The following AFF3 variants were observed in gnomAD, a reference collection of about 807,000 sequenced individuals.
AFF3 encodes the protein ALF transcription elongation factor 3, also known as AF4/FMR2 family member 3.
AFF3 carries 32 observed loss-of-function variants against 129.7 expected under a neutral mutation model. The observed-to-expected ratio is 0.25, with a 90% CI of 0.19 to 0.33. AFF3 has a LOEUF of 0.33. Among genes scored for constraint, AFF3 ranks in the 10% least tolerant of loss-of-function variants. The pLI is 1.00. For synonymous variants in AFF3, 644 were observed against 635.4 expected (o/e 1.01, Z -0.20); for missense variants, 1,373 against 1,592.0 (o/e 0.86, Z 2.34).
chr2:99,576,931 C>T (rs1026159447), intron 18 of AFF3, among the ~76,000 whole-genome samples: 1 of 152,152 alleles, frequency 6.6e-6, no homozygotes, highest in Non-Finnish European at 1.5e-5. Context: ...TAATCACCAC[C>T]TACCTCCCTG....
At chr2:99,822,631 C>G (rs1047213827) in intron 8 of AFF3, among the ~76,000 whole-genome samples, 2 of 152,148 alleles carry the variant, frequency 1.3e-5, no homozygotes, top group African/African-American at 4.8e-5. Context: ...AGTGATTAAT[C>G]ATTTCCACTA....
intron 8 of AFF3, among the ~76,000 whole-genome samples, chr2:99,827,211 C>T (rs1558889302): frequency 6.6e-6 from 1 of 152,154 alleles, no homozygotes; most frequent in Non-Finnish European, 1.5e-5. Context: ...CCCATCCCCA[C>T]ACAGATGTTA....
chr2:99,559,011 G>A (rs1239631693), intron 21 of AFF3, 43 bp from the exon 22 acceptor site: 2 of 1,567,150 alleles, frequency 1.3e-6, no homozygotes, highest in Admixed American at 3.3e-5. Flanking sequence ...GGCTGAGTGC[G>A]TCGTGCGCAA....
intron 7 of AFF3, among the ~76,000 whole-genome samples, chr2:99,948,957 C>T (rs1675896633): frequency 6.6e-6 from 1 of 152,130 alleles, no homozygotes; most frequent in South Asian, 2.1e-4. Context: ...AAGGTAAATA[C>T]ATAACAGAGG....
intron 2 of AFF3, among the ~76,000 whole-genome samples, chr2:100,118,244 G>C (rs1381087902): frequency 1.3e-5 from 2 of 152,120 alleles, no homozygotes; most frequent in African/African-American, 4.8e-5. Context: ...TCCAAATAAA[G>C]TTTTATTTGG....
intron 7 of AFF3, among the ~76,000 whole-genome samples, chr2:99,872,195 G>GA (rs1420534508): frequency 1.7e-5 from 2 of 116,890 alleles, no homozygotes; most frequent in East Asian, 5.2e-4. Flanking sequence ...GCAACACAGC[G>GA]AGACTCCATC....
chr2:99,972,823 C>T (rs749471840), intron 7 of AFF3, among the ~76,000 whole-genome samples: 5 of 152,190 alleles, frequency 3.3e-5, no homozygotes, highest in Non-Finnish European at 5.9e-5. Context: ...ATGCCCCCAA[C>T]TCCTCGCTCA....
At chr2:99,640,416 C>T (rs1235481057) in intron 13 of AFF3, among the ~76,000 whole-genome samples, 1 of 152,054 alleles carries the variant, frequency 6.6e-6, no homozygotes, top group Admixed American at 6.5e-5. Context: ...CTATTCATCA[C>T]CTCTTTTAAT....
At chr2:100,116,433 C>A (rs1691740186) in intron 2 of AFF3, among the ~76,000 whole-genome samples, 1 of 152,064 alleles carries the variant, frequency 6.6e-6, no homozygotes, top group African/African-American at 2.4e-5. Context: ...TATTTTTGTG[C>A]TGTCCTCATT....
intron 11 of AFF3, among the ~76,000 whole-genome samples, chr2:99,687,987 T>C (rs1432136494): frequency 6.6e-6 from 1 of 152,076 alleles, no homozygotes; most frequent in Admixed American, 6.5e-5. Flanking sequence ...GAACTACAGG[T>C]GCCCGCCACC....
At chr2:99,648,207 T>C (rs1641431168) in intron 13 of AFF3, among the ~76,000 whole-genome samples, 1 of 152,178 alleles carries the variant, frequency 6.6e-6, no homozygotes. Context: ...AGTGGTCTGG[T>C]ATACTTACAA....
rs143592816 is a variant in AFF3, at chr2:99,807,286, T to C, written c.921+30191A>G. Among the ~76,000 whole-genome samples the C allele has an allele frequency of 9.3e-3, 1,422 of 152,238 alleles. 21 individuals carry two copies. Among genetic ancestry groups the C allele is most frequent in the African/African-American group, 0.032 (1,349 of 41,550 alleles). On this transcript the variant is annotated intron_variant, in intron 8 of 24. Coordinates refer to ENST00000672756, the MANE Select transcript of AFF3 (RefSeq NM_001386135.1). Reference sequence around the variant, plus strand: ...AGAGAAAACGGAGTGGTGGGTGGGTTGCTGCATGGTCTGTTGGCTCCCGAA... The same window carrying C: ...AGAGAAAACGGAGTGGTGGGTGGGTCGCTGCATGGTCTGTTGGCTCCCGAA...
chr2:99,919,400 G>A (rs1400907999), intron 7 of AFF3, among the ~76,000 whole-genome samples: 1 of 152,044 alleles, frequency 6.6e-6, no homozygotes, highest in Non-Finnish European at 1.5e-5. Flanking sequence ...GTTCTAGAAT[G>A]GGTTGTCGAA....
chr2:99,820,683 C>T (rs1342158155), intron 8 of AFF3, among the ~76,000 whole-genome samples: 1 of 147,552 alleles, frequency 6.8e-6, no homozygotes, highest in Non-Finnish European at 1.5e-5. Flanking sequence ...AAAACACAAA[C>T]ACATTGTACA....
At chr2:99,807,250 T>C (rs551328152) in intron 8 of AFF3, among the ~76,000 whole-genome samples, 3 of 152,246 alleles carry the variant, frequency 2.0e-5, no homozygotes, top group East Asian at 1.9e-4. Context: ...GGATGGTGCA[T>C]AGGACAAGGC....
At chr2:99,693,610 TGGCC>T (rs1246917321) in intron 11 of AFF3, among the ~76,000 whole-genome samples, 1 of 152,210 alleles carries the variant, frequency 6.6e-6, no homozygotes, top group Non-Finnish European at 1.5e-5. Context: ...CTTAGATTTA[TGGCC>T]GGTTCCTTAA....
At chr2:99,969,300 T>C (rs958598975) in intron 7 of AFF3, among the ~76,000 whole-genome samples, 1 of 152,192 alleles carries the variant, frequency 6.6e-6, no homozygotes, top group Non-Finnish European at 1.5e-5. Flanking sequence ...CAGTTCACTT[T>C]GAACAAAACG....
chr2:99,655,947 T>G (rs1432108267), intron 12 of AFF3, among the ~76,000 whole-genome samples: 1 of 152,112 alleles, frequency 6.6e-6, no homozygotes, highest in Non-Finnish European at 1.5e-5. Flanking sequence ...ACTGATTGGA[T>G]GTGGCAGGCC....
intron 13 of AFF3, among the ~76,000 whole-genome samples, chr2:99,609,088 T>G (rs1680660083): frequency 6.6e-6 from 1 of 151,350 alleles, no homozygotes; most frequent in Admixed American, 6.6e-5. Context: ...TCAGCCCACC[T>G]TTTTTTTTCT....
Sources: gnomAD v4.1 joint callset for allele counts (sites outside exome capture counted in the v4.1 genomes callset) on GRCh38, gnomAD v4.1.1 for gene constraint, MANE v1.5 for transcripts, NCBI Gene and HGNC (gene_info 2026-07-23, HGNC 2026-07-21) for gene names.